DPP10: variants seen among roughly 807,000 people sequenced by gnomAD.
The protein encoded by DPP10 is inactive dipeptidyl peptidase 10.
A neutral mutation model predicts 120.9 loss-of-function variants in DPP10; 33 were observed. The ratio of observed to expected loss-of-function variants is 0.27; its 90% CI spans 0.21 to 0.37. The LOEUF (loss-of-function observed/expected upper bound fraction) is 0.37, where lower values mean the gene tolerates loss of function less well. Among genes scored for constraint, DPP10 ranks in the 10% least tolerant of loss-of-function variants. The pLI is 1.00. For missense variants in DPP10, 816 were observed against 942.8 expected (o/e 0.87, Z 1.76); for synonymous variants, 337 against 326.1 (o/e 1.03, Z -0.36).
intron 5 of DPP10, among the ~76,000 whole-genome samples, chr2:115,532,177 G>A (rs1357474881): frequency 2.0e-5 from 3 of 151,966 alleles, no homozygotes; most frequent in Admixed American, 1.3e-4. Flanking sequence ...AACATTTTTT[G>A]GGTGCTTAGA....
chr2:114,825,433 T>A (rs1686441123), intron 1 of DPP10, among the ~76,000 whole-genome samples: 1 of 152,200 alleles, frequency 6.6e-6, no homozygotes, highest in South Asian at 2.1e-4. Context: ...ACTGGGCAAC[T>A]GGGACCCAGG....
intron 1 of DPP10, among the ~76,000 whole-genome samples, chr2:115,113,643 G>A (rs1412191519): frequency 3.3e-5 from 5 of 151,938 alleles, no homozygotes; most frequent in African/African-American, 9.7e-5. Context: ...TCCAGTATTC[G>A]CCATATTATG....
intron 11 of DPP10, among the ~76,000 whole-genome samples, chr2:115,761,096 CA>C (rs34165193): frequency 0.73 from 65,550 of 90,314 alleles, 21,958 homozygotes; most frequent in East Asian, 0.87. Flanking sequence ...GACTTTGTCT[CA>C]AAAAAAAAAA....
intron 1 of DPP10, among the ~76,000 whole-genome samples, chr2:115,305,851 T>G (rs1321571936): frequency 6.6e-6 from 1 of 151,864 alleles, no homozygotes; most frequent in African/African-American, 2.4e-5. Context: ...TTATACATGG[T>G]TTTAAGCAAC....
intron 1 of DPP10, among the ~76,000 whole-genome samples, chr2:114,470,166 A>T (rs1187855773): frequency 1.3e-5 from 2 of 152,194 alleles, no homozygotes; most frequent in Non-Finnish European, 2.9e-5. Context: ...GCAGCACAGA[A>T]CCGTCAAAAC....
At chr2:115,457,042 A>C (rs1347950841) in intron 3 of DPP10, among the ~76,000 whole-genome samples, 1 of 152,136 alleles carries the variant, frequency 6.6e-6, no homozygotes, top group East Asian at 1.9e-4. Flanking sequence ...ACAGTAGCCA[A>C]GAAAATGTGG....
chr2:115,726,956 G>A (rs1473495579), intron 7 of DPP10, among the ~76,000 whole-genome samples: 1 of 151,964 alleles, frequency 6.6e-6, no homozygotes, highest in Admixed American at 6.6e-5. Flanking sequence ...GGACAATGTT[G>A]TGCTTCCCCT....
chr2:115,020,689 C>A (rs1431959218), intron 1 of DPP10, among the ~76,000 whole-genome samples: 2 of 152,048 alleles, frequency 1.3e-5, no homozygotes, highest in Non-Finnish European at 2.9e-5. Flanking sequence ...GAACATTCTA[C>A]CCAACAATTG....
chr2:114,919,019 T>C (rs1474055238), intron 1 of DPP10, among the ~76,000 whole-genome samples: 1 of 128,968 alleles, frequency 7.8e-6, no homozygotes, highest in Non-Finnish European at 1.6e-5. Flanking sequence ...AATTAAAATA[T>C]ATTTGTAAAG....
At chr2:115,275,348 T>A (rs1258285675) in intron 1 of DPP10, among the ~76,000 whole-genome samples, 1 of 152,190 alleles carries the variant, frequency 6.6e-6, no homozygotes. Flanking sequence ...ATGCACATAC[T>A]CAAATAAATA....
chr2:115,185,575 AT>A (rs2054378091), intron 1 of DPP10, among the ~76,000 whole-genome samples: 1 of 152,208 alleles, frequency 6.6e-6, no homozygotes, highest in Admixed American at 6.5e-5. Context: ...GTTAAGAAAC[AT>A]TTTATGTCAA....
intron 5 of DPP10, among the ~76,000 whole-genome samples, chr2:115,592,863 A>G (rs1263646636): frequency 1.3e-5 from 2 of 152,230 alleles, no homozygotes; most frequent in Non-Finnish European, 2.9e-5. Flanking sequence ...CCCAAAAAAG[A>G]TACCTTTGCA....
chr2:114,952,228 C>G (rs1309935386), intron 1 of DPP10, among the ~76,000 whole-genome samples: 1 of 151,700 alleles, frequency 6.6e-6, no homozygotes, highest in African/African-American at 2.4e-5. Context: ...AATACAAGTG[C>G]TTATATATAA....
At chr2:115,232,686 G>A (rs1439476702) in intron 1 of DPP10, among the ~76,000 whole-genome samples, 1 of 152,164 alleles carries the variant, frequency 6.6e-6, no homozygotes, top group African/African-American at 2.4e-5. Flanking sequence ...ATTTCCTTTT[G>A]TAATCACTGC....
chr2:115,579,315 A>T (rs1229951856), intron 5 of DPP10: 1 of 152,222 alleles, frequency 6.6e-6, no homozygotes, highest in Non-Finnish European at 1.5e-5. Flanking sequence ...AAAGCAAATC[A>T]TTCCTGTCAA....
chr2:115,224,959 T>G (rs1340258290), intron 1 of DPP10, among the ~76,000 whole-genome samples: 1 of 152,156 alleles, frequency 6.6e-6, no homozygotes, highest in Non-Finnish European at 1.5e-5. Flanking sequence ...TAAACCCATG[T>G]CACACAGTAC....
chr2:115,118,866 C>T (rs1275518572), intron 1 of DPP10, among the ~76,000 whole-genome samples: 2 of 151,944 alleles, frequency 1.3e-5, no homozygotes, highest in African/African-American at 2.4e-5. Flanking sequence ...CCACCCACCT[C>T]GGCCTCTCAA....
chr2:115,705,651 G>A (rs74500939), intron 7 of DPP10, among the ~76,000 whole-genome samples: 3 of 151,970 alleles, frequency 2.0e-5, no homozygotes, highest in Non-Finnish European at 4.4e-5. Flanking sequence ...TTAATATCAA[G>A]TGTTTGACAT....
At chr2:115,485,789 C>T (rs2075742484) in intron 3 of DPP10, among the ~76,000 whole-genome samples, 1 of 152,116 alleles carries the variant, frequency 6.6e-6, no homozygotes. Context: ...ATGTTGAGAA[C>T]TATAACATCT....
Sources: gnomAD v4.1 joint callset for allele counts (sites outside exome capture counted in the v4.1 genomes callset) on GRCh38, gnomAD v4.1.1 for gene constraint, MANE v1.5 for transcripts, NCBI Gene and HGNC (gene_info 2026-07-23, HGNC 2026-07-21) for gene names.